The following DEPDC5 variants were observed in gnomAD, a reference collection of about 807,000 sequenced individuals.
The protein encoded by DEPDC5 is GATOR1 complex protein DEPDC5.
A neutral mutation model predicts 217.3 loss-of-function variants in DEPDC5; 73 were observed. That is an observed-to-expected ratio of 0.34 (90% CI 0.28 to 0.41). DEPDC5 has a LOEUF of 0.41. Among genes scored for constraint, DEPDC5 ranks in the 10% least tolerant of loss-of-function variants. DEPDC5 has a pLI of 1.00. For synonymous variants in DEPDC5, 733 were observed against 756.7 expected (o/e 0.97, Z 0.51); for missense variants, 1,675 against 2,070.1 (o/e 0.81, Z 3.70).
intron 25 of DEPDC5, 80 bp from the exon 26 acceptor site, chr22:31,836,892 T>TG: frequency 1.1e-6 from 1 of 900,328 alleles, no homozygotes; most frequent in Non-Finnish European, 1.7e-6. Context: ...CACTCTTCCC[T>TG]CCCCTTCCCT....
intron 24 of DEPDC5, among the ~76,000 whole-genome samples, chr22:31,832,485 C>CT (rs112632218): frequency 2.4e-3 from 342 of 144,782 alleles, no homozygotes; most frequent in Middle Eastern, 3.6e-3. Context: ...TCTTACTGCA[C>CT]TTTTTTTTTT....
chr22:31,880,135 A>G (rs1405837035), intron 38 of DEPDC5: 1 of 242,808 alleles, frequency 4.1e-6, no homozygotes, highest in Non-Finnish European at 8.3e-6. Flanking sequence ...CTATGATCTC[A>G]GAAGAGGAAG....
Position 31,876,138 on chromosome 22 carries a change from G to A in DEPDC5, c.3697-19G>A. On this transcript the variant is annotated intron_variant, in intron 36 of 42. Coordinates refer to ENST00000651528, the MANE Select transcript of DEPDC5 (RefSeq NM_001242896.3). ...GATGCCTCTCTGCAGGAATTTCAGA[G>A]TTTCAATGTCTCTCCTAGAAAATGC... 6.2e-7 allele frequency: 1 copy of A among 1,612,410 alleles called. No individual in the cohort carries two copies. Among genetic ancestry groups the A allele is most frequent in the Non-Finnish European group, 8.5e-7 (1 of 1,179,052 alleles).
chr22:31,860,273 G>A (rs1439606896), intron 32 of DEPDC5, among the ~76,000 whole-genome samples: 1 of 152,186 alleles, frequency 6.6e-6, no homozygotes, highest in Non-Finnish European at 1.5e-5. Flanking sequence ...TGCGTTGGGG[G>A]TACCTGCATC....
At chr22:31,770,030 AC>A (rs765819346) in intron 7 of DEPDC5, among the ~76,000 whole-genome samples, 3 of 151,094 alleles carry the variant, frequency 2.0e-5, no homozygotes, top group Non-Finnish European at 4.4e-5. Context: ...GGAGTTCAAG[AC>A]CAGCTTGGGC....
chr22:31,861,820 T>C (rs1176579380), intron 33 of DEPDC5, among the ~76,000 whole-genome samples: 2 of 152,208 alleles, frequency 1.3e-5, no homozygotes, highest in African/African-American at 2.4e-5. Flanking sequence ...GATAAATTTA[T>C]AACAGTGTGG....
intron 37 of DEPDC5, 28 bp downstream of exon 37, chr22:31,876,293 C>T (rs757658766): frequency 1.3e-6 from 2 of 1,588,422 alleles, no homozygotes; most frequent in Non-Finnish European, 1.7e-6. Flanking sequence ...TGCGGTTGCC[C>T]ACAGGGGCAA....
intron 20 of DEPDC5, among the ~76,000 whole-genome samples, chr22:31,812,929 G>A (rs938642705): frequency 2.0e-5 from 3 of 151,796 alleles, no homozygotes; most frequent in Admixed American, 6.6e-5. Flanking sequence ...TAGTAGAGAC[G>A]GGGTTTCTCA....
intron 24 of DEPDC5, 49 bp downstream of exon 24, chr22:31,822,839 C>A: frequency 6.4e-7 from 1 of 1,573,870 alleles, no homozygotes; most frequent in Non-Finnish European, 8.7e-7. Context: ...ATCAGGCTCA[C>A]ATCTGGAAAT....
chr22:31,848,333 C>T (rs534464752), intron 31 of DEPDC5, among the ~76,000 whole-genome samples: 9 of 152,294 alleles, frequency 5.9e-5, no homozygotes, highest in East Asian at 5.8e-4. Flanking sequence ...TTTTTCCTTC[C>T]GCACTGCCCT....
rs749696235 is a variant in DEPDC5, at chr22:31,797,710, C to A, written c.871+7C>A. The A allele has an allele frequency of 1.6e-5, 25 of 1,607,768 alleles. No individual in the cohort carries two copies. Among genetic ancestry groups the A allele is most frequent in the Non-Finnish European group, 2.1e-5 (25 of 1,174,214 alleles). The stretch of plus-strand genomic sequence containing the variant: ...GTGCGACTGGAACAGGCAGGTACTG[C>A]ATTCATGTAATAGATGGTGCGGCGG... On this transcript the variant is annotated splice_region_variant and intron_variant, in intron 13 of 42. Transcript: ENST00000651528.
chr22:31,850,059 C>G (rs1271630784), intron 31 of DEPDC5, among the ~76,000 whole-genome samples: 1 of 152,060 alleles, frequency 6.6e-6, no homozygotes, highest in Non-Finnish European at 1.5e-5. Flanking sequence ...GCGGAGGTTG[C>G]AGTGAGCCGA....
At chr22:31,865,349 C>T (rs1016680320) in intron 33 of DEPDC5, among the ~76,000 whole-genome samples, 7 of 152,194 alleles carry the variant, frequency 4.6e-5, no homozygotes, top group Admixed American at 4.6e-4. Context: ...AATAAATTAG[C>T]TGGGTGTCGT....
chr22:31,768,873 A>T lies in DEPDC5; in HGVS notation c.413+10A>T, dbSNP rs766781814. 3 of 1,613,718 alleles carry T rather than the reference A, an allele frequency of 1.9e-6. No homozygotes were observed. Among genetic ancestry groups the T allele is most frequent in the Non-Finnish European group, 2.5e-6 (3 of 1,179,910 alleles). On this transcript the variant is annotated intron_variant, in intron 7 of 42. Coordinates refer to ENST00000651528, the MANE Select transcript of DEPDC5 (RefSeq NM_001242896.3). ...AGTTTGCTGGCATCAGGTAGATATT[A>T]CATCACTCTTGCCTTATCTGTGCAG...
At position 31,907,891 on chromosome 22, in the gene DEPDC5, T is replaced by C. The variant is rs1263054896; in HGVS notation, c.*1394T>C. The C allele has an allele frequency of 6.6e-6, 1 of 152,246 alleles. No individual in the cohort carries two copies. The highest frequency in any genetic ancestry group is 1.5e-5 in the Non-Finnish European group (1 of 68,052). 9.4% of individuals were successfully genotyped at this position (152,246 alleles called of 1,614,324 possible). ...CTCAATGGCTTTGCATCCATTCTCTTCTTCCCAGGCCCTGAGCTGCCACTC... is the reference window on the plus strand; with the variant it reads ...CTCAATGGCTTTGCATCCATTCTCTCCTTCCCAGGCCCTGAGCTGCCACTC... On this transcript the variant is annotated 3_prime_UTR_variant, in exon 43 of 43. Transcript: ENST00000651528.
intron 33 of DEPDC5, among the ~76,000 whole-genome samples, chr22:31,866,431 G>A (rs1395064439): frequency 2.0e-5 from 3 of 152,142 alleles, no homozygotes; most frequent in African/African-American, 7.2e-5. Context: ...CTGTCGCCAG[G>A]CTGGAATGCA....
intron 33 of DEPDC5, 143 bp downstream of exon 33, chr22:31,861,576 C>A: frequency 2.4e-6 from 2 of 827,022 alleles, no homozygotes; most frequent in Non-Finnish European, 2.0e-6. Context: ...CAGAATTGTA[C>A]ATTCTCTTCC....
intron 41 of DEPDC5, among the ~76,000 whole-genome samples, chr22:31,902,265 T>A (rs2093660355): frequency 6.6e-6 from 1 of 152,000 alleles, no homozygotes; most frequent in African/African-American, 2.4e-5. Context: ...ACTAGACTAG[T>A]CCAGCCGACT....
rs1453458056 is a variant in DEPDC5, at chr22:31,901,787, A to T, written c.4421A>T (p.Glu1474Val). 1.2e-6 allele frequency: 2 copies of T among 1,613,676 alleles called. No individual in the cohort carries two copies. Among genetic ancestry groups the T allele is most frequent in the Non-Finnish European group, 8.5e-7 (1 of 1,179,780 alleles). ...TGGGATCGAATGCACCTCTTCCAGG[A>T]AGCCATTGCACACAGGTTTGTCCCT... ...TYWDRMHLFQ[E>V]AIAHRFGFVQ... Residue 1474 changes from glutamate (E) to valine (V), a missense_variant, in exon 41 of 43, where the codon GAA (glutamate) becomes GTA (valine). Physicochemically the swap from Glu to Val is moderately radical, Grantham distance 121 (BLOSUM62 -2). Around this residue, in one of 11 missense-constraint regions of DEPDC5, gnomAD observed 182 missense variants for 290.1 expected, o/e 0.63. Transcript: ENST00000651528.
Sources: allele counts gnomAD v4.1 joint callset (sites outside exome capture counted in the v4.1 genomes callset), GRCh38; gene constraint gnomAD v4.1.1; regional missense constraint gnomAD v4.1.1; transcripts MANE v1.5; gene names NCBI Gene and HGNC (gene_info 2026-07-23, HGNC 2026-07-21).